CAMKK1: variants seen among roughly 807,000 people sequenced by gnomAD.
CAMKK1 encodes calcium/calmodulin-dependent protein kinase kinase 1.
Under a neutral mutation model 63.5 loss-of-function variants are expected in CAMKK1, and 20 were observed. That is an observed-to-expected ratio of 0.32 (90% CI 0.22 to 0.46). The LOEUF is 0.46. Among genes scored for constraint, CAMKK1 ranks in the 20% least tolerant of loss-of-function variants. The probability of loss-of-function intolerance (pLI) is 1.00; values close to 1 mark genes in which losing one functional copy is unlikely to be tolerated. For synonymous variants in CAMKK1, 253 were observed against 269.0 expected (o/e 0.94, Z 0.58); for missense variants, 588 against 658.1 (o/e 0.89, Z 1.17).
At chr17:3,867,360 C>G (rs774245032) in intron 14 of CAMKK1, among the ~76,000 whole-genome samples, 1 of 152,158 alleles carries the variant, frequency 6.6e-6, no homozygotes, top group Non-Finnish European at 1.5e-5. Context: ...GGTGCACGAG[C>G]CCCGCAGAAA....
At position 3,882,084 on chromosome 17, in the gene CAMKK1, A is replaced by T; in HGVS notation, c.686-436T>A. 2 of 570,392 alleles carry T rather than the reference A, an allele frequency of 3.5e-6. No individual in the cohort carries two copies. The highest frequency in any genetic ancestry group is 5.8e-5 in the East Asian group (2 of 34,340). 35.3% of individuals were successfully genotyped at this position (570,392 alleles called of 1,614,324 possible). A position where few individuals can be genotyped will look rare whatever the true frequency, so the allele number is the denominator to read the frequency against. On this transcript the variant is annotated intron_variant, in intron 7 of 15. Transcript: ENST00000348335. The surrounding 1 kb of genome is among the most constrained non-coding windows in gnomAD (Gnocchi z 4.3). ...CCAGACACAAGGAACTAAAATAATA[A>T]CATTACTATTAACAAGGATAATAAC... is the stretch of plus-strand genomic sequence containing the variant.
rs1191594732 is a variant in CAMKK1 at position 3,868,142 on chromosome 17, A to C, written c.1341+1345T>G. Among the ~76,000 whole-genome samples the C allele has an allele frequency of 2.0e-3, 42 of 20,522 alleles. 15 individuals are homozygous for C. The highest frequency in any genetic ancestry group is 9.4e-3 in the African/African-American group (20 of 2,130). 13.5% of individuals were successfully genotyped at this position (20,522 alleles called of 152,430 possible). On this transcript the variant is annotated intron_variant, in intron 14 of 15. Coordinates refer to ENST00000348335, the MANE Select transcript of CAMKK1 (RefSeq NM_032294.3). ...ACTGATACGTGGGCTCTGGGGGAGA[A>C]GCAGGCGCCGTCTAACTGATACGTG...
At chr17:3,865,728 G>C in intron 15 of CAMKK1, 180 bp downstream of exon 15, 1 of 1,426,386 alleles carries the variant, frequency 7.0e-7, no homozygotes, top group Non-Finnish European at 9.2e-7. Flanking sequence ...GGCCCAAAAG[G>C]TCCCTTCTAG....
rs2055529250 is a variant in CAMKK1, at chr17:3,883,952, C to T, written c.409-15G>A. ...CCGTAGGCACCCTGCAGATAGGCATCAGTCAGCCCCACCTGGACAGGGCAA... is the reference window on the plus strand; with the variant it reads ...CCGTAGGCACCCTGCAGATAGGCATTAGTCAGCCCCACCTGGACAGGGCAA... On this transcript the variant is annotated splice_polypyrimidine_tract_variant and intron_variant, in intron 3 of 15. Transcript: ENST00000348335. This position sits in a 1 kb window ranked among gnomAD's most constrained non-coding sequence, Gnocchi z 4.7. 1.2e-6 allele frequency: 2 copies of T among 1,613,020 alleles called. No individual in the cohort carries two copies. Among genetic ancestry groups the T allele is most frequent in the South Asian group, 1.1e-5 (1 of 91,074 alleles).
At chr17:3,876,185 C>G (rs181847866) in intron 10 of CAMKK1, 38 bp downstream of exon 10, 4 of 1,589,894 alleles carry the variant, frequency 2.5e-6, no homozygotes, top group African/African-American at 1.3e-5. Context: ...TTACGCCCCC[C>G]ACTTGAACCC....
Position 3,885,498 on chromosome 17 carries a change from C to T in CAMKK1, c.190G>A (p.Ala64Thr). 1 of 1,613,780 alleles carries T rather than the reference C, an allele frequency of 6.2e-7. No homozygotes were observed. Among genetic ancestry groups the T allele is most frequent in the East Asian group, 2.2e-5 (1 of 44,878 alleles). ...TTCCTGGCTGAGAGGCTAGGCCGGG[C>T]TGGGAGCAGTCTTGAAGTACTGCCA... ...IPGSTSRLLP[A>T]RPSLSARKLS... The change falls in exon 2 of 16, where the codon GCC becomes ACC. Residue 64 changes from alanine (A) to threonine (T), a missense_variant. Physicochemically the swap from Ala to Thr is moderately conservative, Grantham distance 58 (BLOSUM62 0). Around this residue, in one of 3 missense-constraint regions of CAMKK1, gnomAD observed 357 missense variants for 407.4 expected, o/e 0.88. Coordinates refer to ENST00000348335, the MANE Select transcript of CAMKK1 (RefSeq NM_032294.3).
chr17:3,874,007 G>A (rs942018110), intron 10 of CAMKK1, among the ~76,000 whole-genome samples: 1 of 152,190 alleles, frequency 6.6e-6, no homozygotes, highest in South Asian at 2.1e-4. Context: ...TCCAGCGTGT[G>A]CTCTCTCTAC....
rs552920678 is a variant in CAMKK1, at chr17:3,885,756, T to C, written c.-43-26A>G. The C allele has an allele frequency of 9.9e-5, 157 of 1,586,014 alleles. 1 individual carries two copies. The Middle Eastern group carries it at 2.0e-3, about 20-fold the overall frequency. On this transcript the variant is annotated intron_variant, in intron 1 of 15. Coordinates refer to ENST00000348335, the MANE Select transcript of CAMKK1 (RefSeq NM_032294.3). The stretch of plus-strand genomic sequence containing the variant: ...CTGAGAAAAGAAGGCAGAGAAGGCT[T>C]CACTCCTGGGTGTCAGGCTGGCTAC...
At chr17:3,866,257 C>T (rs115995089) in intron 14 of CAMKK1, among the ~76,000 whole-genome samples, 2,093 of 152,336 alleles carry the variant, frequency 0.014, 47 homozygotes, top group African/African-American at 0.047. Context: ...ATGAAGGGTC[C>T]GCAAGGCCAG....
At chr17:3,865,192 A>C in intron 15 of CAMKK1, 2 of 985,760 alleles carry the variant, frequency 2.0e-6, no homozygotes, top group Non-Finnish European at 2.4e-6. Flanking sequence ...ATAGTGAAGA[A>C]GGTGGATCTG....
In CAMKK1 at chr17:3,890,009, A is replaced by G. The variant is rs887389; in HGVS notation, c.-44+2930T>C. 0.5 allele frequency among the ~76,000 whole-genome samples: 75,552 copies of G among 152,148 alleles called. 19,428 individuals carry two copies. Among genetic ancestry groups the G allele is most frequent in the Non-Finnish European group, 0.55 (37,643 of 67,966 alleles). ...CAAGCCGAGGCAGGGGACCAGCTAC[A>G]TCCAGGCGAGGGGATGGACAGCCGT... On this transcript the variant is annotated intron_variant, in intron 1 of 15. Coordinates refer to ENST00000348335, the MANE Select transcript of CAMKK1 (RefSeq NM_032294.3). The surrounding 1 kb of genome is among the most constrained non-coding windows in gnomAD (Gnocchi z 6.5).
intron 8 of CAMKK1, 110 bp from the exon 9 acceptor site, chr17:3,880,544 A>C: frequency 1.4e-6 from 1 of 723,122 alleles, no homozygotes. Context: ...CCTACAACTC[A>C]AGATATTAGC....
At chr17:3,880,282 TG>T in intron 9 of CAMKK1, 63 bp downstream of exon 9, 1 of 1,397,000 alleles carries the variant, frequency 7.2e-7, no homozygotes, top group Non-Finnish European at 1.0e-6. Context: ...CTGCTCAGCC[TG>T]GGCTCTGCCG....
Position 3,882,545 on chromosome 17 carries a change from T to G in CAMKK1, c.668A>C (p.Glu223Ala). ...TCACTCACCCAAATAGAGGTTGTCC[T>G]CAGCTGGGTCATCCAGGACCTGGTC... Reference protein sequence around the residue: ...KLIEVLDDPAEDNLYLVFDLL... With the variant: ...KLIEVLDDPAADNLYLVFDLL... The change falls in exon 7 of 16, where the codon GAG (glutamate) becomes GCG (alanine). Residue 223 changes from glutamate (E) to alanine (A), a missense_variant. By Grantham distance (107) the Glu-to-Ala change is moderately radical (BLOSUM62 -1). Around this residue, in one of 3 missense-constraint regions of CAMKK1, gnomAD observed 357 missense variants for 407.4 expected, o/e 0.88. Coordinates refer to ENST00000348335, the MANE Select transcript of CAMKK1 (RefSeq NM_032294.3). The surrounding 1 kb of genome is among the most constrained non-coding windows in gnomAD (Gnocchi z 4.3). The G allele has an allele frequency of 6.3e-7, 1 of 1,594,024 alleles. No homozygotes were observed. Among genetic ancestry groups the G allele is most frequent in the East Asian group, 2.3e-5 (1 of 44,052 alleles).
intron 7 of CAMKK1, 34 bp from the exon 8 acceptor site, chr17:3,881,682 G>A (rs986329872): frequency 1.6e-5 from 25 of 1,557,234 alleles, no homozygotes; most frequent in African/African-American, 4.1e-5. Context: ...AGGTGTAGCT[G>A]GCTGGCAAAG....
At position 3,869,784 on chromosome 17, in the gene CAMKK1, A is replaced by AC. The variant is rs982612961; in HGVS notation, c.1212+16dup. The AC allele has an allele frequency of 1.3e-6, 2 of 1,599,712 alleles. No individual in the cohort carries two copies. The highest frequency in any genetic ancestry group is 1.3e-5 in the African/African-American group (1 of 74,320). ...TTTCTGTGTCCCAGCCCAGCCCAAG[A>AC]CCCCCAGTTCCCCGACCTTGATGTC... On this transcript the variant is annotated intron_variant, in intron 13 of 15. Coordinates refer to ENST00000348335, the MANE Select transcript of CAMKK1 (RefSeq NM_032294.3).
intron 14 of CAMKK1, among the ~76,000 whole-genome samples, chr17:3,868,032 G>T (rs536232213): frequency 7.6e-6 from 1 of 131,324 alleles, no homozygotes; most frequent in Non-Finnish European, 1.6e-5. Flanking sequence ...AGCAGGCGCC[G>T]TCTAACTGAT....
rs550437934 is a variant in CAMKK1, at chr17:3,890,833, T to C, written c.-44+2106A>G. 3.9e-4 allele frequency: 305 copies of C among 773,028 alleles called. 5 individuals carry two copies. The South Asian group carries it at 4.0e-3, about 10-fold the overall frequency. The allele number at this position is 773,028 out of a possible 1,614,324, so 47.9% of individuals were successfully genotyped here. A position where few individuals can be genotyped will look rare whatever the true frequency, so the allele number is the denominator to read the frequency against. On this transcript the variant is annotated intron_variant, in intron 1 of 15. Coordinates refer to ENST00000348335, the MANE Select transcript of CAMKK1 (RefSeq NM_032294.3). The surrounding 1 kb of genome is among the most constrained non-coding windows in gnomAD (Gnocchi z 6.5). Reference sequence around the variant, plus strand: ...AGGACAGCTCAGACATCGCCTCTTCTGAGCCCTCCTTGATCTCCCCACTAC... The same window carrying C: ...AGGACAGCTCAGACATCGCCTCTTCCGAGCCCTCCTTGATCTCCCCACTAC...
chr17:3,866,554 G>A (rs142640037), intron 14 of CAMKK1, among the ~76,000 whole-genome samples: 68 of 152,320 alleles, frequency 4.5e-4, no homozygotes, highest in Middle Eastern at 3.4e-3. Flanking sequence ...CAGACACGCC[G>A]ACTCACACGC....
Sources: allele counts gnomAD v4.1 joint callset (sites outside exome capture counted in the v4.1 genomes callset), GRCh38; gene constraint gnomAD v4.1.1; regional missense constraint gnomAD v4.1.1; non-coding constraint Gnocchi (gnomAD v3.1); transcripts MANE v1.5; gene names NCBI Gene and HGNC (gene_info 2026-07-23, HGNC 2026-07-21).